The following NFATC2 variants were observed in gnomAD, a reference collection of about 807,000 sequenced individuals.
NFATC2 encodes nuclear factor of activated T cells 2.
Under a neutral mutation model 87.3 loss-of-function variants are expected in NFATC2, and 22 were observed. That is an observed-to-expected ratio of 0.25 (90% CI 0.18 to 0.36). The LOEUF is 0.36. NFATC2 is among the 10% of genes least tolerant of loss of function. NFATC2 has a pLI of 1.00. For missense variants in NFATC2, 1,149 were observed against 1,259.1 expected (o/e 0.91, Z 1.32); for synonymous variants, 565 against 542.2 (o/e 1.04, Z -0.58).
intron 5 of NFATC2, among the ~76,000 whole-genome samples, chr20:51,455,936 G>T (rs71338429): frequency 2.9e-4 from 1 of 3,456 alleles, no homozygotes; most frequent in African/African-American, 8.8e-4. Flanking sequence ...GGGTGGGTGG[G>T]TAGATGGATG....
At chr20:51,423,713 C>T (rs374689315) in intron 9 of NFATC2, among the ~76,000 whole-genome samples, 2 of 152,170 alleles carry the variant, frequency 1.3e-5, no homozygotes, top group Non-Finnish European at 2.9e-5. Context: ...TGGGAGCCCA[C>T]GAATGACACT....
At chr20:51,534,114 C>G (rs190953307) in intron 1 of NFATC2, among the ~76,000 whole-genome samples, 1 of 152,160 alleles carries the variant, frequency 6.6e-6, no homozygotes, top group Non-Finnish European at 1.5e-5. Flanking sequence ...TTTACATAAA[C>G]CCCTGGAGAT....
intron 1 of NFATC2, among the ~76,000 whole-genome samples, chr20:51,533,888 T>C (rs1361236777): frequency 1.3e-5 from 2 of 152,164 alleles, no homozygotes; most frequent in Non-Finnish European, 2.9e-5. Flanking sequence ...ACCTTTTAGA[T>C]GGGGGCAGCA....
At chr20:51,507,767 T>C (rs1317474213) in intron 3 of NFATC2, among the ~76,000 whole-genome samples, 1 of 152,208 alleles carries the variant, frequency 6.6e-6, no homozygotes, top group Non-Finnish European at 1.5e-5. Flanking sequence ...AGACGTCCTA[T>C]GCCCCAATCA....
At chr20:51,452,021 G>T (rs1041362583) in intron 6 of NFATC2, among the ~76,000 whole-genome samples, 38 of 152,180 alleles carry the variant, frequency 2.5e-4, no homozygotes, top group African/African-American at 7.0e-4. Flanking sequence ...CCCTTGAAAA[G>T]AACTGTCTTC....
intron 3 of NFATC2, among the ~76,000 whole-genome samples, chr20:51,481,714 C>T (rs1989275385): frequency 6.6e-6 from 1 of 152,098 alleles, no homozygotes; most frequent in African/African-American, 2.4e-5. Context: ...TTGGGGGCAT[C>T]ATTCTATTAA....
chr20:51,543,766 G>A (rs1324125524), upstream of NFATC2, among the ~76,000 whole-genome samples: 1 of 152,102 alleles, frequency 6.6e-6, no homozygotes, highest in Non-Finnish European at 1.5e-5. Context: ...GGCAAACACT[G>A]CATAAGGACC....
chr20:51,473,545 T>A (rs1436787481), intron 5 of NFATC2, among the ~76,000 whole-genome samples: 1 of 152,228 alleles, frequency 6.6e-6, no homozygotes. Context: ...CTTCACACTG[T>A]GACCAGCAGA....
intron 1 of NFATC2, among the ~76,000 whole-genome samples, chr20:51,535,735 A>G (rs79667751): frequency 0.088 from 13,343 of 152,298 alleles, 955 homozygotes; most frequent in Admixed American, 0.24. Context: ...CAGGCATTTC[A>G]GACTTGGGGT....
At chr20:51,513,345 G>A (rs978136630) in intron 3 of NFATC2, among the ~76,000 whole-genome samples, 9 of 152,126 alleles carry the variant, frequency 5.9e-5, no homozygotes, top group Admixed American at 1.3e-4. Flanking sequence ...GGGCATGGTG[G>A]TAACACGCCT....
chr20:51,481,341 C>T (rs907155137), intron 3 of NFATC2, among the ~76,000 whole-genome samples: 3 of 151,760 alleles, frequency 2.0e-5, no homozygotes, highest in Admixed American at 6.6e-5. Flanking sequence ...GGCTTTGGGG[C>T]GGCCTTTTCA....
chr20:51,427,205 G>T (rs1427971832), intron 9 of NFATC2, among the ~76,000 whole-genome samples: 2 of 152,118 alleles, frequency 1.3e-5, no homozygotes, highest in Non-Finnish European at 2.9e-5. Flanking sequence ...GGGTTTGGTG[G>T]TGAGATGGCC....
chr20:51,447,212 G>A (rs1289815244), intron 6 of NFATC2, among the ~76,000 whole-genome samples: 1 of 152,128 alleles, frequency 6.6e-6, no homozygotes, highest in Non-Finnish European at 1.5e-5. Flanking sequence ...TGGGAAAGAG[G>A]GAATTCCACC....
intron 9 of NFATC2, among the ~76,000 whole-genome samples, chr20:51,430,039 G>A (rs6067774): frequency 0.85 from 129,660 of 152,036 alleles, 55,348 homozygotes; most frequent in East Asian, 0.96. Context: ...AAGGACATCT[G>A]TGGATCCGGG....
intron 9 of NFATC2, among the ~76,000 whole-genome samples, chr20:51,413,540 T>C (rs1979597081): frequency 6.6e-6 from 1 of 152,108 alleles, no homozygotes; most frequent in South Asian, 2.1e-4. Flanking sequence ...GGAGGACTGC[T>C]TCAGGCCAGG....
At chr20:51,560,555 A>G (rs1341454209) in intron 1 of NFATC2, among the ~76,000 whole-genome samples, 1 of 152,164 alleles carries the variant, frequency 6.6e-6, no homozygotes, top group Admixed American at 6.5e-5. Context: ...TGGATGGGAT[A>G]TTGGGCTTTC....
At chr20:51,488,363 C>T (rs1204196563) in intron 3 of NFATC2, among the ~76,000 whole-genome samples, 19 of 152,142 alleles carry the variant, frequency 1.2e-4, no homozygotes, top group Non-Finnish European at 1.0e-4. Context: ...GCACTATTGG[C>T]CAGTGTGGAC....
In NFATC2 at chr20:51,516,959, A is replaced by T. The variant is rs1486794351; in HGVS notation, c.1161-4T>A. On this transcript the variant is annotated splice_polypyrimidine_tract_variant and splice_region_variant and intron_variant, in intron 2 of 10. Coordinates refer to ENST00000371564, the MANE Select transcript of NFATC2 (RefSeq NM_012340.5). Reference sequence around the variant, plus strand: ...GAGGGATGCAGTCACTGGGATGCTAAAGGAGAAAATAAAATCAGCCATGTG... The same window carrying T: ...GAGGGATGCAGTCACTGGGATGCTATAGGAGAAAATAAAATCAGCCATGTG... The T allele has an allele frequency of 8.1e-6, 13 of 1,598,810 alleles. No homozygotes were observed. The highest frequency in any genetic ancestry group is 1.1e-5 in the Non-Finnish European group (13 of 1,171,710).
intron 5 of NFATC2, among the ~76,000 whole-genome samples, chr20:51,460,434 G>A (rs1318052050): frequency 5.9e-5 from 9 of 152,274 alleles, no homozygotes; most frequent in Middle Eastern, 3.4e-3. Flanking sequence ...CATCAAAAGC[G>A]TGTCTGGCTT....
Sources: gnomAD v4.1 joint callset for allele counts (sites outside exome capture counted in the v4.1 genomes callset) on GRCh38, gnomAD v4.1.1 for gene constraint, MANE v1.5 for transcripts, NCBI Gene and HGNC (gene_info 2026-07-23, HGNC 2026-07-21) for gene names.